Variants in PRAG1 observed in about 807,000 individuals in gnomAD.
PRAG1 encodes inactive tyrosine-protein kinase PRAG1.
A neutral mutation model predicts 95.6 loss-of-function variants in PRAG1; 110 were observed. The ratio of observed to expected loss-of-function variants is 1.15; its 90% CI spans 0.99 to 1.35. The LOEUF is 1.35. Among genes scored for constraint, PRAG1 ranks in the 40% most tolerant of loss-of-function variants. The pLI is 0.00. For missense variants in PRAG1, 2,554 were observed against 1,864.7 expected (o/e 1.37, Z -6.81); for synonymous variants, 1,052 against 819.4 (o/e 1.28, Z -4.85).
Position 8,342,303 on chromosome 8 carries a change from C to T in PRAG1, c.2163-2668G>A, listed in dbSNP as rs577994768. ...CGCCTCCCGGGTTCACGCCATTCTC[C>T]TGCCTCAGCCTCCCGAGTAGCTGGG... On this transcript the variant is annotated intron_variant, in intron 3 of 5. Transcript: ENST00000615670. Among the ~76,000 whole-genome samples, 8 of 151,534 alleles carry T rather than the reference C, an allele frequency of 5.3e-5. No homozygotes were observed. The East Asian group carries it at 1.6e-3, about 30-fold the overall frequency.
intron 3 of PRAG1, among the ~76,000 whole-genome samples, chr8:8,374,176 T>C (rs1800304672): frequency 6.6e-6 from 1 of 152,192 alleles, no homozygotes; most frequent in South Asian, 2.1e-4. Context: ...CAAAGTACTA[T>C]TATCATCTCA....
chr8:8,353,492 A>T (rs1287456250), intron 3 of PRAG1, among the ~76,000 whole-genome samples: 1 of 152,238 alleles, frequency 6.6e-6, no homozygotes, highest in Non-Finnish European at 1.5e-5. Context: ...AAATTAAAAA[A>T]TTATCTTGAG....
At chr8:8,372,683 A>C (rs2116922377) in intron 3 of PRAG1, among the ~76,000 whole-genome samples, 1 of 152,354 alleles carries the variant, frequency 6.6e-6, no homozygotes, top group South Asian at 2.1e-4. Flanking sequence ...TCTCAGGAAC[A>C]CGAATGGGAG....
chr8:8,336,717 C>A (rs1361942534), intron 4 of PRAG1, among the ~76,000 whole-genome samples: 1 of 151,416 alleles, frequency 6.6e-6, no homozygotes, highest in Non-Finnish European at 1.5e-5. Context: ...AAACGCAAAT[C>A]ATTAACTTCA....
chr8:8,367,783 A>T (rs1800058559), intron 3 of PRAG1, among the ~76,000 whole-genome samples: 1 of 152,086 alleles, frequency 6.6e-6, no homozygotes, highest in Non-Finnish European at 1.5e-5. Flanking sequence ...CTGGGATTAC[A>T]GGTGCGTGCC....
intron 3 of PRAG1, among the ~76,000 whole-genome samples, chr8:8,359,486 T>G (rs1473741111): frequency 6.6e-6 from 1 of 152,210 alleles, no homozygotes; most frequent in Non-Finnish European, 1.5e-5. Flanking sequence ...TACAACAGGA[T>G]GAGTCGTCTA....
At chr8:8,361,020 A>C (rs1394218624) in intron 3 of PRAG1, among the ~76,000 whole-genome samples, 2 of 152,156 alleles carry the variant, frequency 1.3e-5, no homozygotes, top group Non-Finnish European at 2.9e-5. Flanking sequence ...CCAGGATGGA[A>C]ATTAATTCAG....
Position 8,340,407 on chromosome 8 carries a change from G to A in PRAG1, c.2163-772C>T, listed in dbSNP as rs77958318. Among the ~76,000 whole-genome samples, 13 of 152,210 alleles carry A rather than the reference G, an allele frequency of 8.5e-5. No homozygotes were observed. In the East Asian group the frequency reaches 2.5e-3, roughly 29 times the overall value. ...TGATTTCTCCTTCCCACTTTCCAAG[G>A]GCCACATGAATATTCATTTCTGATC... On this transcript the variant is annotated intron_variant, in intron 3 of 5. Transcript: ENST00000615670.
chr8:8,329,473 A>G (rs2976913), intron 4 of PRAG1, among the ~76,000 whole-genome samples: 2 of 152,128 alleles, frequency 1.3e-5, no homozygotes, highest in Non-Finnish European at 2.9e-5. Context: ...TCCATGCCAC[A>G]TCACCCTAAG....
chr8:8,343,214 G>C (rs1005604589), intron 3 of PRAG1, among the ~76,000 whole-genome samples: 1 of 149,382 alleles, frequency 6.7e-6, no homozygotes, highest in Admixed American at 6.6e-5. Context: ...CATCAGATCA[G>C]ACTGACAACG....
intron 5 of PRAG1, among the ~76,000 whole-genome samples, chr8:8,325,979 G>A (rs1044149778): frequency 6.7e-6 from 1 of 150,346 alleles, no homozygotes; most frequent in African/African-American, 2.4e-5. Context: ...ACTTCTTGCA[G>A]AAGGGTCACC....
chr8:8,327,891 G>C lies in PRAG1; in HGVS notation c.2891C>G (p.Ala964Gly). 1 of 1,614,236 alleles carries C rather than the reference G, an allele frequency of 6.2e-7. No homozygotes were observed. Among genetic ancestry groups the C allele is most frequent in the Non-Finnish European group, 8.5e-7 (1 of 1,180,038 alleles). Residue 964 changes from alanine (A) to glycine (G), a missense_variant, in exon 5 of 6, where the codon GCC becomes GGC. By Grantham distance (60) the Ala-to-Gly change is moderately conservative. Transcript: ENST00000615670. ...KLGGLYTQSLARLVAKCEDLF... is the reference protein window; with the variant it reads ...KLGGLYTQSLGRLVAKCEDLF... Reference sequence around the variant, plus strand: ...GTCCTCACATTTGGCTACAAGGCGGGCCAGGGACTGGGTGTAGAGTCCCCC... The same window carrying C: ...GTCCTCACATTTGGCTACAAGGCGGCCCAGGGACTGGGTGTAGAGTCCCCC...
intron 3 of PRAG1, among the ~76,000 whole-genome samples, chr8:8,357,243 G>C (rs143333035): frequency 9.2e-4 from 140 of 152,240 alleles, no homozygotes; most frequent in Non-Finnish European, 1.7e-3. Context: ...AGAGTGAAAA[G>C]GCAACACATG....
intron 4 of PRAG1, among the ~76,000 whole-genome samples, chr8:8,338,181 T>G (rs1799050046): frequency 6.6e-6 from 1 of 152,228 alleles, no homozygotes; most frequent in Non-Finnish European, 1.5e-5. Flanking sequence ...GGCTGCCCAA[T>G]ATCCTACCAT....
chr8:8,338,436 G>A (rs1799060393), intron 4 of PRAG1, among the ~76,000 whole-genome samples: 1 of 152,238 alleles, frequency 6.6e-6, no homozygotes, highest in South Asian at 2.1e-4. Context: ...TGGTCGAGAT[G>A]CACTGCCCTC....
intron 4 of PRAG1, among the ~76,000 whole-genome samples, chr8:8,332,004 T>A (rs1284597193): frequency 1.3e-5 from 2 of 152,114 alleles, no homozygotes; most frequent in Admixed American, 6.6e-5. Flanking sequence ...ATACACACAC[T>A]CATTAGAGGC....
intron 3 of PRAG1, among the ~76,000 whole-genome samples, chr8:8,367,071 G>A (rs1186560967): frequency 2.0e-5 from 3 of 152,076 alleles, no homozygotes; most frequent in African/African-American, 7.2e-5. Context: ...CCTACAACCT[G>A]CAGACACCAC....
intron 1 of PRAG1, among the ~76,000 whole-genome samples, chr8:8,385,999 G>C (rs1800834976): frequency 6.6e-6 from 1 of 152,184 alleles, no homozygotes; most frequent in African/African-American, 2.4e-5. Flanking sequence ...CGCAGACAGA[G>C]CAGCAAGACC....
In PRAG1 at chr8:8,317,975, T is replaced by C. The variant is rs1189580106; in HGVS notation, c.*179A>G. On this transcript the variant is annotated 3_prime_UTR_variant, in exon 6 of 6. Transcript: ENST00000615670. ...AGACGAGTGTGGACGGGCAACAGCATCCTTAGTCTTTCATATTTATATATG... is the reference window on the plus strand; with the variant it reads ...AGACGAGTGTGGACGGGCAACAGCACCCTTAGTCTTTCATATTTATATATG... The C allele has an allele frequency of 1.9e-5, 8 of 431,008 alleles. No homozygotes were observed. The highest frequency in any genetic ancestry group is 2.0e-5 in the African/African-American group (1 of 49,018). The allele number at this position is 431,008 out of a possible 1,614,324, so 26.7% of individuals were successfully genotyped here.
Sources: allele counts gnomAD v4.1 joint callset (sites outside exome capture counted in the v4.1 genomes callset), GRCh38; gene constraint gnomAD v4.1.1; transcripts MANE v1.5; gene names NCBI Gene and HGNC (gene_info 2026-07-23, HGNC 2026-07-21).